The following HMBOX1 variants were observed in gnomAD, a reference collection of about 807,000 sequenced individuals.
HMBOX1 encodes the protein homeobox containing 1.
In HMBOX1, 14 loss-of-function variants were observed where a neutral mutation model predicts 54.5. The ratio of observed to expected loss-of-function variants is 0.26; its 90% CI spans 0.17 to 0.40. The LOEUF (loss-of-function observed/expected upper bound fraction) is 0.40, where lower values mean the gene tolerates loss of function less well. Among genes scored for constraint, HMBOX1 ranks in the 10% least tolerant of loss-of-function variants. The pLI, the probability that HMBOX1 is intolerant of heterozygous loss-of-function variation, is 1.00. For missense variants in HMBOX1, 332 were observed against 514.4 expected, an observed-to-expected ratio of 0.65 and a Z score of 3.43; for synonymous variants, 160 against 181.0, an observed-to-expected ratio of 0.88 and a Z score of 0.93.
At chr8:28,968,875 A>G (rs1826900089) in intron 2 of HMBOX1, among the ~76,000 whole-genome samples, 1 of 152,178 alleles carries the variant, frequency 6.6e-6, no homozygotes, top group Non-Finnish European at 1.5e-5. Context: ...CTCAGGTCTT[A>G]TAAGAAAGGA....
chr8:28,958,351 T>A (rs1284901954), intron 1 of HMBOX1, among the ~76,000 whole-genome samples: 2 of 152,204 alleles, frequency 1.3e-5, no homozygotes, highest in African/African-American at 4.8e-5. Context: ...ATTTTTCTCT[T>A]TTATTCCAAT....
chr8:28,982,482 C>G (rs1264731127), intron 4 of HMBOX1, among the ~76,000 whole-genome samples: 1 of 151,998 alleles, frequency 6.6e-6, no homozygotes, highest in Non-Finnish European at 1.5e-5. Flanking sequence ...GTTTCTTGCT[C>G]TGTTCCCGAG....
rs749880362 is a variant in HMBOX1 at position 28,976,709 on chromosome 8, CT to C, written c.501-3347del. ...TTATTTCTTTTCTTTTCTTTTTTTT[CT>C]TTTTTTTTTTTTTTGAGATGGAGTC... On this transcript the variant is annotated intron_variant, in intron 3 of 9. Coordinates refer to ENST00000287701, the MANE Select transcript of HMBOX1 (RefSeq NM_001135726.3). 2.6e-3 allele frequency among the ~76,000 whole-genome samples: 352 copies of C among 135,762 alleles called. 2 individuals carry two copies. Among genetic ancestry groups the C allele is most frequent in the Admixed American group, 7.6e-3 (103 of 13,628 alleles). The allele number at this position is 135,762 out of a possible 152,430, so 89.1% of individuals were successfully genotyped here. A position where few individuals can be genotyped will look rare whatever the true frequency, so the allele number is the denominator to read the frequency against.
At chr8:28,948,231 G>A (rs1822830368) in intron 1 of HMBOX1, among the ~76,000 whole-genome samples, 1 of 151,954 alleles carries the variant, frequency 6.6e-6, no homozygotes, top group Non-Finnish European at 1.5e-5. Context: ...TACTTATCAT[G>A]ACCTGAAAAT....
intron 6 of HMBOX1, among the ~76,000 whole-genome samples, chr8:29,028,218 A>ATATG (rs1230434028): frequency 1.3e-5 from 2 of 152,206 alleles, no homozygotes; most frequent in African/African-American, 4.8e-5. Context: ...TTCATGAACA[A>ATATG]AAATAGCATC....
Position 29,051,000 on chromosome 8 carries a change from T to G in HMBOX1, c.1126-18T>G. The G allele has an allele frequency of 6.2e-7, 1 of 1,606,358 alleles. No individual in the cohort carries two copies. The highest frequency in any genetic ancestry group is 8.5e-7 in the Non-Finnish European group (1 of 1,177,630). ...TCTTCCAATCCACTAATAACATTTC[T>G]TATTTCTGCACATCTAGGATGACAG... On this transcript the variant is annotated intron_variant, in intron 9 of 9. Transcript: ENST00000287701.
At chr8:29,040,286 CA>C (rs1255601778) in intron 6 of HMBOX1, among the ~76,000 whole-genome samples, 1 of 152,184 alleles carries the variant, frequency 6.6e-6, no homozygotes, top group Non-Finnish European at 1.5e-5. Flanking sequence ...CCCTCAAGTA[CA>C]ATGCCTTATG....
chr8:29,006,067 A>G (rs1437409430), intron 4 of HMBOX1, among the ~76,000 whole-genome samples: 1 of 144,822 alleles, frequency 6.9e-6, no homozygotes, highest in Non-Finnish European at 1.5e-5. Flanking sequence ...ATCTTGGCTC[A>G]CTACAACCTC....
intron 1 of HMBOX1, among the ~76,000 whole-genome samples, chr8:28,898,300 T>G (rs1025815796): frequency 2.0e-5 from 3 of 152,246 alleles, no homozygotes; most frequent in African/African-American, 7.2e-5. Context: ...TTGATGGTAC[T>G]TCCTGATAAA....
intron 1 of HMBOX1, among the ~76,000 whole-genome samples, chr8:28,938,548 G>GCT (rs1169601010): frequency 6.6e-6 from 1 of 151,978 alleles, no homozygotes; most frequent in African/African-American, 2.4e-5. Flanking sequence ...CTGGGCTCAG[G>GCT]TCATCCTCCA....
intron 4 of HMBOX1, among the ~76,000 whole-genome samples, chr8:29,006,524 C>T (rs900408211): frequency 3.9e-5 from 6 of 152,194 alleles, no homozygotes; most frequent in Admixed American, 2.0e-4. Context: ...CTTCCATCAG[C>T]AGTGTGAGAA....
intron 2 of HMBOX1, among the ~76,000 whole-genome samples, chr8:28,966,920 C>G (rs1044499549): frequency 6.6e-6 from 1 of 152,176 alleles, no homozygotes; most frequent in African/African-American, 2.4e-5. Flanking sequence ...AATGTATTCT[C>G]TGATGAAACA....
intron 1 of HMBOX1, among the ~76,000 whole-genome samples, chr8:28,961,178 A>G (rs1002997041): frequency 6.6e-6 from 1 of 152,160 alleles, no homozygotes; most frequent in South Asian, 2.1e-4. Flanking sequence ...GCCTTTTAAT[A>G]TAAAGTTTTT....
At chr8:28,903,173 A>C (rs1322008044) in intron 1 of HMBOX1, among the ~76,000 whole-genome samples, 3 of 152,324 alleles carry the variant, frequency 2.0e-5, no homozygotes. Flanking sequence ...AGAGAGAGAG[A>C]AGCAAAACGA....
intron 1 of HMBOX1, among the ~76,000 whole-genome samples, chr8:28,920,121 A>G (rs1342847803): frequency 2.6e-5 from 4 of 152,218 alleles, no homozygotes; most frequent in Admixed American, 6.5e-5. Flanking sequence ...TTTTACATCA[A>G]CCAGGTAAAC....
intron 1 of HMBOX1, among the ~76,000 whole-genome samples, chr8:28,921,767 G>A (rs1302223976): frequency 3.9e-5 from 6 of 152,144 alleles, no homozygotes; most frequent in African/African-American, 9.7e-5. Context: ...GTTATGTGTT[G>A]TCTTTTATGT....
chr8:28,973,803 G>GTTTTTTTTTTTTTTTTTTTTTTTTTTTTT (rs71222583), intron 3 of HMBOX1, among the ~76,000 whole-genome samples: 8 of 72,658 alleles, frequency 1.1e-4, no homozygotes, highest in South Asian at 7.7e-4. Flanking sequence ...ACATAATGGA[G>GTTTTTTTTTTTTTTTTTTTTTTTTTTTTT]TTTTTTTTTT....
At chr8:29,021,088 T>G (rs2133030709) in intron 6 of HMBOX1, among the ~76,000 whole-genome samples, 1 of 152,218 alleles carries the variant, frequency 6.6e-6, no homozygotes, top group East Asian at 1.9e-4. Flanking sequence ...CATGAGAGGA[T>G]TGCTTGAGCC....
At chr8:28,963,620 A>C (rs564426686) in intron 1 of HMBOX1, among the ~76,000 whole-genome samples, 191 bp from the exon 2 acceptor site, 1 of 152,302 alleles carries the variant, frequency 6.6e-6, no homozygotes, top group African/African-American at 2.4e-5. Context: ...ATTTTTTGTT[A>C]AGATCTGTGT....
Sources: allele counts gnomAD v4.1 joint callset (sites outside exome capture counted in the v4.1 genomes callset), GRCh38; gene constraint gnomAD v4.1.1; transcripts MANE v1.5; gene names NCBI Gene and HGNC (gene_info 2026-07-23, HGNC 2026-07-21).